IFIT3: variants seen among roughly 807,000 people sequenced by gnomAD.
The protein encoded by IFIT3 is interferon-induced protein with tetratricopeptide repeats 3.
In IFIT3, 2 loss-of-function variants were observed where a neutral mutation model predicts 2.4. The ratio of observed to expected loss-of-function variants is 0.82; its 90% CI spans 0.34 to 2.60. IFIT3 has a LOEUF of 2.60. Ranked by LOEUF, IFIT3 falls within the 30% of genes most tolerant of loss-of-function variation. The probability of loss-of-function intolerance (pLI) is 0.11; values close to 1 mark genes in which losing one functional copy is unlikely to be tolerated. For missense variants in IFIT3, 481 were observed against 562.4 expected, an observed-to-expected ratio of 0.86 and a Z score of 1.46; for synonymous variants, 203 against 212.1, an observed-to-expected ratio of 0.96 and a Z score of 0.37.
At chr10:89,334,309 G>A (rs1050289393) in intron 1 of IFIT3, among the ~76,000 whole-genome samples, 5 of 151,754 alleles carry the variant, frequency 3.3e-5, no homozygotes, top group African/African-American at 9.7e-5. Context: ...TTTAGTAAGC[G>A]AAATCTTATG....
intron 1 of IFIT3, among the ~76,000 whole-genome samples, chr10:89,328,814 G>C (rs1843623218): frequency 6.6e-6 from 1 of 152,164 alleles, no homozygotes; most frequent in African/African-American, 2.4e-5. Context: ...ATCTCTAATG[G>C]TGGGAAGCAG....
In IFIT3 at chr10:89,339,363, G is replaced by C; in HGVS notation, c.708G>C (p.Lys236Asn). 6.2e-7 allele frequency: 1 copy of C among 1,613,806 alleles called. No homozygotes were observed. Among genetic ancestry groups the C allele is most frequent in the Non-Finnish European group, 8.5e-7 (1 of 1,179,900 alleles). Reference protein sequence around the residue: ...GEQFVEEALEKSPCQTDVLRS... With the variant: ...GEQFVEEALENSPCQTDVLRS... ...AGTTTGTTGAAGAAGCCTTGGAAAA[G>C]TCTCCTTGCCAAACAGATGTCCTCC... Residue 236 changes from lysine (K) to asparagine (N), a missense_variant, in exon 2 of 2, where the codon AAG becomes AAC. Lys to Asn is a moderately conservative substitution (Grantham distance 94, BLOSUM62 0). Coordinates refer to ENST00000371818, the MANE Select transcript of IFIT3 (RefSeq NM_001549.6).
At position 89,340,921 on chromosome 10, in the gene IFIT3, A is replaced by C. The variant is rs535864512; in HGVS notation, c.*793A>C. Reference sequence around the variant, plus strand: ...GATAGCAATACCATAATCAATGTGTATTCCTGATAGTAATGCTACAATAAA... The same window carrying C: ...GATAGCAATACCATAATCAATGTGTCTTCCTGATAGTAATGCTACAATAAA... On this transcript the variant is annotated 3_prime_UTR_variant, in exon 2 of 2. Transcript: ENST00000371818. 1 of 152,386 alleles carries C rather than the reference A, an allele frequency of 6.6e-6. No homozygotes were observed. Among genetic ancestry groups the C allele is most frequent in the African/African-American group, 2.4e-5 (1 of 41,594 alleles). 9.4% of individuals were successfully genotyped at this position (152,386 alleles called of 1,614,324 possible). A position where few individuals can be genotyped will look rare whatever the true frequency, so the allele number is the denominator to read the frequency against.
rs572625253 is a variant in IFIT3, at chr10:89,338,934, T to G, written c.279T>G (p.Ser93Arg). Residue 93 changes from serine to arginine, a missense_variant, in exon 2 of 2, where the codon AGT (serine) becomes AGG (arginine). By Grantham distance (110) the Ser-to-Arg change is moderately radical. Transcript: ENST00000371818. ...QEHADQAEIRSLVTWGNYAWV... is the reference protein window; with the variant it reads ...QEHADQAEIRRLVTWGNYAWV... Reference sequence around the variant, plus strand: ...ATGCTGACCAAGCAGAAATCAGAAGTCTAGTCACTTGGGGAAACTACGCCT... The same window carrying G: ...ATGCTGACCAAGCAGAAATCAGAAGGCTAGTCACTTGGGGAAACTACGCCT... 1.2e-6 allele frequency: 2 copies of G among 1,614,092 alleles called. No individual in the cohort carries two copies. Among genetic ancestry groups the G allele is most frequent in the South Asian group, 2.2e-5 (2 of 91,080 alleles).
chr10:89,330,852 G>T (rs1458456739), intron 1 of IFIT3, among the ~76,000 whole-genome samples: 1 of 152,150 alleles, frequency 6.6e-6, no homozygotes, highest in African/African-American at 2.4e-5. Context: ...CTCAAAATGT[G>T]GTACAGGAAC....
chr10:89,338,622 C>A lies in IFIT3; in HGVS notation c.6-39C>A, dbSNP rs1171362363. On this transcript the variant is annotated intron_variant, in intron 1 of 1. Coordinates refer to ENST00000371818, the MANE Select transcript of IFIT3 (RefSeq NM_001549.6). ...AATGATCACAGGGTGCAGTGCTTGG[C>A]AGTGTACATCACAGTGACCATGTTT... is the stretch of plus-strand genomic sequence containing the variant. The A allele has an allele frequency of 2.5e-6, 4 of 1,572,330 alleles. No individual in the cohort carries two copies. The Admixed American group carries it at 5.2e-5, about 21-fold the overall frequency.
At position 89,340,257 on chromosome 10, in the gene IFIT3, T is replaced by TG; in HGVS notation, c.*129_*130insG. 9.9e-7 allele frequency: 1 copy of TG among 1,012,628 alleles called. No homozygotes were observed. The highest frequency in any genetic ancestry group is 1.4e-6 in the Non-Finnish European group (1 of 721,134). 62.7% of individuals were successfully genotyped at this position (1,012,628 alleles called of 1,614,324 possible). ...GCTTTGCATGTTGCTCTAAGGTACATTTTTAAAGAGTTGTTTTTTGGCCGG... is the reference window on the plus strand; with the variant it reads ...GCTTTGCATGTTGCTCTAAGGTACATGTTTTAAAGAGTTGTTTTTTGGCCGG... On this transcript the variant is annotated 3_prime_UTR_variant, in exon 2 of 2. Coordinates refer to ENST00000371818, the MANE Select transcript of IFIT3 (RefSeq NM_001549.6).
chr10:89,328,400 T>C (rs1021368676), intron 1 of IFIT3, among the ~76,000 whole-genome samples: 5 of 152,338 alleles, frequency 3.3e-5, no homozygotes, highest in Admixed American at 1.3e-4. Flanking sequence ...GAGCGGTGTA[T>C]TTCACTCAGC....
chr10:89,340,066 G>A lies in IFIT3; in HGVS notation c.1411G>A (p.Gly471Ser). The change falls in exon 2 of 2, where the codon GGC (glycine) becomes AGC (serine). Residue 471 changes from glycine to serine, a missense_variant. Gly to Ser is a moderately conservative substitution (Grantham distance 56). Coordinates refer to ENST00000371818, the MANE Select transcript of IFIT3 (RefSeq NM_001549.6). ...SELEDGSEEMGQGAVSSSPRE... is the reference protein window; with the variant it reads ...SELEDGSEEMSQGAVSSSPRE... Reference sequence around the variant, plus strand: ...GCTTGAGGATGGTAGTGAGGAAATGGGCCAGGGCGCAGTCAGCTCCAGTCC... The same window carrying A: ...GCTTGAGGATGGTAGTGAGGAAATGAGCCAGGGCGCAGTCAGCTCCAGTCC... 1 of 1,613,886 alleles carries A rather than the reference G, an allele frequency of 6.2e-7. No individual in the cohort carries two copies. Among genetic ancestry groups the A allele is most frequent in the Non-Finnish European group, 8.5e-7 (1 of 1,179,866 alleles).
At position 89,339,575 on chromosome 10, in the gene IFIT3, T is replaced by C. The variant is rs915392549; in HGVS notation, c.920T>C (p.Ile307Thr). Reference sequence around the variant, plus strand: ...GAAGCTAGTGGAAATAAAGAGATGATTGAAGCACTAAAGCAATATGCTATG... The same window carrying C: ...GAAGCTAGTGGAAATAAAGAGATGACTGAAGCACTAAAGCAATATGCTATG... ...ESEASGNKEM[I>T]EALKQYAMDY... is the part of the protein sequence containing the mutation. The change falls in exon 2 of 2, where the codon ATT becomes ACT. Residue 307 changes from isoleucine to threonine, a missense_variant. Physicochemically the swap from Ile to Thr is moderately conservative, Grantham distance 89. Transcript: ENST00000371818. The C allele has an allele frequency of 5.0e-6, 8 of 1,614,154 alleles. No individual in the cohort carries two copies. The highest frequency in any genetic ancestry group is 6.8e-6 in the Non-Finnish European group (8 of 1,180,016).
chr10:89,338,376 G>A (rs548003819), intron 1 of IFIT3: 14 of 317,134 alleles, frequency 4.4e-5, no homozygotes, highest in Admixed American at 9.0e-5. Context: ...TCAAGCAGTC[G>A]GTCAGAGGGA....
intron 1 of IFIT3, among the ~76,000 whole-genome samples, chr10:89,328,853 T>C (rs1286728056): frequency 1.3e-5 from 2 of 152,098 alleles, no homozygotes; most frequent in African/African-American, 4.8e-5. Context: ...ATGGTGGGGA[T>C]TGAGTAGGAA....
chr10:89,340,200 G>C lies in IFIT3; in HGVS notation c.*72G>C. ...GACGGGTAGGACGATAGGAAGACAG[G>C]GGGCCCCAACCTGGGATTGCTGAGC... On this transcript the variant is annotated 3_prime_UTR_variant, in exon 2 of 2. Transcript: ENST00000371818. 6.7e-7 allele frequency: 1 copy of C among 1,482,320 alleles called. No individual in the cohort carries two copies. Among genetic ancestry groups the C allele is most frequent in the Non-Finnish European group, 9.0e-7 (1 of 1,113,336 alleles). The allele number at this position is 1,482,320 out of a possible 1,614,324, so 91.8% of individuals were successfully genotyped here.
Position 89,339,116 on chromosome 10 carries a change from G to C in IFIT3, c.461G>C (p.Arg154Thr). ...WTQLKCGRNE[R>T]AKVCFEKALE... ...CAACTGAAGTGTGGAAGAAATGAAA[G>C]GGCGAAGGTGTGTTTTGAGAAGGCT... is the stretch of plus-strand genomic sequence containing the variant. Residue 154 changes from arginine to threonine, a missense_variant, in exon 2 of 2, where the codon AGG (arginine) becomes ACG (threonine). Coordinates refer to ENST00000371818, the MANE Select transcript of IFIT3 (RefSeq NM_001549.6). 3 of 1,614,108 alleles carry C rather than the reference G, an allele frequency of 1.9e-6. No individual in the cohort carries two copies. The highest frequency in any genetic ancestry group is 2.5e-6 in the Non-Finnish European group (3 of 1,180,030).
chr10:89,337,014 GA>G (rs1196892376), intron 1 of IFIT3, among the ~76,000 whole-genome samples: 8 of 152,218 alleles, frequency 5.3e-5, no homozygotes, highest in Non-Finnish European at 8.8e-5. Flanking sequence ...AAACAAAAAT[GA>G]GTCCATTTTG....
intron 1 of IFIT3, among the ~76,000 whole-genome samples, chr10:89,336,215 G>T (rs1014617818): frequency 7.3e-5 from 11 of 151,574 alleles, no homozygotes; most frequent in African/African-American, 2.7e-4. Context: ...AATAGGGAGG[G>T]AGGAAGAGAG....
intron 1 of IFIT3, among the ~76,000 whole-genome samples, chr10:89,336,580 T>C (rs2133559264): frequency 6.6e-6 from 1 of 152,358 alleles, no homozygotes; most frequent in East Asian, 1.9e-4. Flanking sequence ...ATAAAGTCAA[T>C]GGCTCCTTGT....
intron 1 of IFIT3, among the ~76,000 whole-genome samples, chr10:89,334,240 A>C (rs944035328): frequency 1.3e-5 from 2 of 152,000 alleles, no homozygotes; most frequent in Admixed American, 1.3e-4. Flanking sequence ...TAGGTGAGAG[A>C]CTGTAACTAT....
chr10:89,329,608 C>A (rs1843630484), intron 1 of IFIT3, among the ~76,000 whole-genome samples: 1 of 152,002 alleles, frequency 6.6e-6, no homozygotes, highest in Non-Finnish European at 1.5e-5. Context: ...GGAGAACTCA[C>A]TGGCACGTGC....
Sources: gnomAD v4.1 joint callset for allele counts (sites outside exome capture counted in the v4.1 genomes callset) on GRCh38, gnomAD v4.1.1 for gene constraint, MANE v1.5 for transcripts, NCBI Gene and HGNC (gene_info 2026-07-23, HGNC 2026-07-21) for gene names.